Variants in SSH1 observed in about 807,000 individuals in gnomAD.
SSH1 encodes the protein protein phosphatase Slingshot homolog 1.
In SSH1, 43 loss-of-function variants were observed where a neutral mutation model predicts 79.7. The ratio of observed to expected loss-of-function variants is 0.54; its 90% CI spans 0.42 to 0.70. The LOEUF (loss-of-function observed/expected upper bound fraction) is 0.70. Among genes scored for constraint, SSH1 ranks in the 30% least tolerant of loss-of-function variants. The pLI is 0.00. For synonymous variants in SSH1, 599 were observed against 538.3 expected (o/e 1.11, Z -1.56); for missense variants, 1,206 against 1,358.8 (o/e 0.89, Z 1.77).
intron 13 of SSH1, 74 bp from the exon 14 acceptor site, chr12:108,792,903 G>A (rs2036576469): frequency 1.3e-6 from 2 of 1,589,330 alleles, no homozygotes; most frequent in African/African-American, 2.7e-5. Context: ...AGTATGCGGT[G>A]AGCCAGTGAG....
chr12:108,827,020 G>A lies in SSH1; in HGVS notation c.111-3659C>T, dbSNP rs150317382. Among the ~76,000 whole-genome samples the A allele has an allele frequency of 1.6e-3, 237 of 148,430 alleles. 1 individual carries two copies. Among genetic ancestry groups the A allele is most frequent in the African/African-American group, 5.4e-3 (221 of 40,588 alleles). Reference sequence around the variant, plus strand: ...ATGAGGGATAAAAAAAAAAAAAGCCGCTGCCCTCTCTACCCGCCAACTGGA... The same window carrying A: ...ATGAGGGATAAAAAAAAAAAAAGCCACTGCCCTCTCTACCCGCCAACTGGA... On this transcript the variant is annotated intron_variant, in intron 2 of 14. Transcript: ENST00000326495.
intron 3 of SSH1, 82 bp downstream of exon 3, chr12:108,823,176 A>G (rs2038187055): frequency 7.3e-7 from 1 of 1,374,378 alleles, no homozygotes; most frequent in South Asian, 1.2e-5. Flanking sequence ...CTTCAAACTC[A>G]GCAACATCAC....
intron 3 of SSH1, among the ~76,000 whole-genome samples, chr12:108,822,448 G>C (rs1483380241): frequency 1.3e-5 from 2 of 149,016 alleles, no homozygotes; most frequent in Non-Finnish European, 3.0e-5. Flanking sequence ...AGTGTGTTTT[G>C]TTGTTATTGT....
chr12:108,808,903 G>A (rs1390407008), intron 7 of SSH1, among the ~76,000 whole-genome samples: 2 of 146,816 alleles, frequency 1.4e-5, no homozygotes, highest in South Asian at 2.2e-4. Context: ...GCGTGATCTC[G>A]GTTCACGGCA....
intron 5 of SSH1, among the ~76,000 whole-genome samples, chr12:108,812,562 G>T (rs1280913514): frequency 6.6e-6 from 1 of 152,240 alleles, no homozygotes; most frequent in African/African-American, 2.4e-5. Context: ...GGAGGTCAAG[G>T]GGGCAGGGAT....
At chr12:108,803,021 A>G (rs1196772466) in intron 10 of SSH1, among the ~76,000 whole-genome samples, 2 of 152,102 alleles carry the variant, frequency 1.3e-5, no homozygotes, top group East Asian at 3.8e-4. Flanking sequence ...TTTGCAGAAT[A>G]TTTAATGACA....
chr12:108,823,936 G>C (rs555273253), intron 2 of SSH1, among the ~76,000 whole-genome samples: 50 of 152,318 alleles, frequency 3.3e-4, no homozygotes, highest in Middle Eastern at 6.8e-3. Flanking sequence ...CTGGAGTGCT[G>C]TGATTACAGG....
rs2036149048 is a variant in SSH1, at chr12:108,781,814, G to A, written c.*6174C>T. 6.6e-6 allele frequency: 1 copy of A among 152,274 alleles called. No homozygotes were observed. Among genetic ancestry groups the A allele is most frequent in the Admixed American group, 6.5e-5 (1 of 15,286 alleles). The allele number at this position is 152,274 out of a possible 1,614,324, so 9.4% of individuals were successfully genotyped here. ...CACAGCAGAAAGCAAAGAACTCTAA[G>A]GAGGCAGAATTTTAAGATGGAAGTT... is the stretch of plus-strand genomic sequence containing the variant. On this transcript the variant is annotated 3_prime_UTR_variant, in exon 15 of 15. Coordinates refer to ENST00000326495, the MANE Select transcript of SSH1 (RefSeq NM_018984.4).
At chr12:108,836,936 A>G (rs1566013627) in intron 2 of SSH1, 1 of 532,560 alleles carries the variant, frequency 1.9e-6, no homozygotes, top group Non-Finnish European at 3.9e-6. Context: ...GGGCACAAAC[A>G]TGTCCAGGTC....
In SSH1 at chr12:108,857,452, G is replaced by A. The variant is rs1380263895; in HGVS notation, c.45C>T (p.Ala15=). ...CCTCGCTGTTGCTGGCCGAGGAGGA[G>A]GCGGCGCTGGGCGTGGGCGAGCGCT... ...TLQRSPTPSA[A]SSSASNSELE... The change falls in exon 1 of 15, where the codon GCC becomes GCT. Residue 15 remains alanine, a synonymous_variant. Transcript: ENST00000326495. The surrounding 1 kb of genome is among the most constrained non-coding windows in gnomAD (Gnocchi z 4.7). 3 of 1,117,410 alleles carry A rather than the reference G, an allele frequency of 2.7e-6. No homozygotes were observed. Among genetic ancestry groups the A allele is most frequent in the Non-Finnish European group, 3.3e-6 (3 of 897,864 alleles). 69.2% of individuals were successfully genotyped at this position (1,117,410 alleles called of 1,614,324 possible). A position where few individuals can be genotyped will look rare whatever the true frequency, so the allele number is the denominator to read the frequency against.
intron 14 of SSH1, 28 bp from the exon 15 acceptor site, chr12:108,789,272 G>A (rs754774751): frequency 4.4e-6 from 7 of 1,574,640 alleles, no homozygotes; most frequent in Admixed American, 3.7e-5. Flanking sequence ...AGAGCATGGT[G>A]AGACGGTGCA....
intron 3 of SSH1, among the ~76,000 whole-genome samples, chr12:108,819,343 C>T (rs2038027422): frequency 6.6e-6 from 1 of 152,226 alleles, no homozygotes; most frequent in South Asian, 2.1e-4. Flanking sequence ...AAGTCTCTTA[C>T]TGGCCATGAG....
chr12:108,780,418 GTT>G lies in SSH1; in HGVS notation c.*7568_*7569del, dbSNP rs1288425193. 6.6e-6 allele frequency: 1 copy of G among 152,258 alleles called. No individual in the cohort carries two copies. The highest frequency in any genetic ancestry group is 2.4e-5 in the African/African-American group (1 of 41,476). The allele number at this position is 152,258 out of a possible 1,614,324, so 9.4% of individuals were successfully genotyped here. A position where few individuals can be genotyped will look rare whatever the true frequency, so the allele number is the denominator to read the frequency against. On this transcript the variant is annotated 3_prime_UTR_variant, in exon 15 of 15. Coordinates refer to ENST00000326495, the MANE Select transcript of SSH1 (RefSeq NM_018984.4). The stretch of plus-strand genomic sequence containing the variant: ...CCTTGAACAAATAAGTATCGGATGA[GTT>G]TTATGAACACACATTGTTAGGGTAG...
At chr12:108,848,090 G>A (rs548115581) in intron 2 of SSH1, among the ~76,000 whole-genome samples, 1 of 152,264 alleles carries the variant, frequency 6.6e-6, no homozygotes, top group Non-Finnish European at 1.5e-5. Flanking sequence ...GGCCACCAAC[G>A]CCGGTGACGC....
At chr12:108,800,280 C>T (rs943926586) in intron 12 of SSH1, among the ~76,000 whole-genome samples, 1 of 152,176 alleles carries the variant, frequency 6.6e-6, no homozygotes, top group Non-Finnish European at 1.5e-5. Flanking sequence ...CTGGCCATGA[C>T]CTCCAACGTG....
chr12:108,789,223 G>C lies in SSH1; in HGVS notation c.1915C>G (p.Leu639Val), dbSNP rs1253378116. 16 of 1,601,006 alleles carry C rather than the reference G, an allele frequency of 1.0e-5. No homozygotes were observed. The highest frequency in any genetic ancestry group is 1.3e-5 in the African/African-American group (1 of 74,898). Residue 639 changes from leucine to valine, a missense_variant, in exon 15 of 15, where the codon CTT becomes GTT. Physicochemically the swap from Leu to Val is conservative, Grantham distance 32. This residue lies in a region of SSH1 where 709 missense variants were observed against 730.6 expected (regional missense o/e 0.97). Transcript: ENST00000326495. The part of the protein sequence containing the change: ...GMEDDAIFGI[L>V]NKVKPSYKSC... ...TTATAGGAAGGCTTCACTTTGTTAA[G>C]GATCCCAAATATAGCATCATCCTGC...
In SSH1 at chr12:108,845,481, T is replaced by A. The variant is rs574261959; in HGVS notation, c.110+7157A>T. On this transcript the variant is annotated intron_variant, in intron 2 of 14. Coordinates refer to ENST00000326495, the MANE Select transcript of SSH1 (RefSeq NM_018984.4). ...GGCGGGCAGATCACCTGAGTTCAGG[T>A]GCTCGAGACCAACCTGCCCGACATG... Among the ~76,000 whole-genome samples, 4 of 152,122 alleles carry A rather than the reference T, an allele frequency of 2.6e-5. No homozygotes were observed. The East Asian group carries it at 7.8e-4, about 29-fold the overall frequency.
chr12:108,811,454 G>C (rs974813278), intron 5 of SSH1, 126 bp from the exon 6 acceptor site: 2 of 815,472 alleles, frequency 2.5e-6, no homozygotes, highest in East Asian at 2.6e-5. Context: ...TGTCTGCATA[G>C]GAACCGTTCA....
intron 2 of SSH1, among the ~76,000 whole-genome samples, chr12:108,824,123 A>G (rs753746492): frequency 6.6e-6 from 1 of 152,218 alleles, no homozygotes; most frequent in Non-Finnish European, 1.5e-5. Flanking sequence ...ACAAGATGAA[A>G]TTACACTTTC....
Sources: allele counts gnomAD v4.1 joint callset (sites outside exome capture counted in the v4.1 genomes callset), GRCh38; gene constraint gnomAD v4.1.1; regional missense constraint gnomAD v4.1.1; non-coding constraint Gnocchi (gnomAD v3.1); transcripts MANE v1.5; gene names NCBI Gene and HGNC (gene_info 2026-07-23, HGNC 2026-07-21).